THEMIS: variants seen among roughly 807,000 people sequenced by gnomAD.
THEMIS encodes the protein thymocyte selection associated.
A neutral mutation model predicts 52.6 loss-of-function variants in THEMIS; 37 were observed. The ratio of observed to expected loss-of-function variants is 0.70; its 90% CI spans 0.54 to 0.93. THEMIS has a LOEUF of 0.93. Among genes scored for constraint, THEMIS ranks in the 40% least tolerant of loss-of-function variants. THEMIS has a pLI of 0.00. For missense variants in THEMIS, 808 were observed against 763.1 expected, an observed-to-expected ratio of 1.06 and a Z score of -0.69; for synonymous variants, 292 against 272.7, an observed-to-expected ratio of 1.07 and a Z score of -0.70.
chr6:127,708,613 C>A lies in THEMIS; in HGVS notation c.*1372G>T, dbSNP rs1773870407. On this transcript the variant is annotated 3_prime_UTR_variant, in exon 6 of 6. Transcript: ENST00000368248. Reference sequence around the variant, plus strand: ...AAGTTTCTGTTCTTATCTGCACAAACAGGCAAAATAAATAAAAGAAAAACT... The same window carrying A: ...AAGTTTCTGTTCTTATCTGCACAAAAAGGCAAAATAAATAAAAGAAAAACT... 6.6e-6 allele frequency: 1 copy of A among 151,904 alleles called. No homozygotes were observed. The allele number at this position is 151,904 out of a possible 1,614,324, so 9.4% of individuals were successfully genotyped here.
chr6:127,755,220 T>C (rs1775781930), intron 4 of THEMIS, among the ~76,000 whole-genome samples: 2 of 152,200 alleles, frequency 1.3e-5, no homozygotes. Flanking sequence ...GAAGACAAAA[T>C]TGGTGGCTAC....
intron 4 of THEMIS, among the ~76,000 whole-genome samples, chr6:127,790,258 T>C (rs1023987563): frequency 2.0e-5 from 3 of 152,154 alleles, no homozygotes; most frequent in Non-Finnish European, 4.4e-5. Flanking sequence ...AACCAAGCTG[T>C]GAGCTATAGC....
At chr6:127,722,165 T>C (rs1774385182) in intron 4 of THEMIS, among the ~76,000 whole-genome samples, 1 of 151,984 alleles carries the variant, frequency 6.6e-6, no homozygotes, top group Non-Finnish European at 1.5e-5. Flanking sequence ...CTGGAAACAG[T>C]TCCCACAGTG....
chr6:127,742,132 T>C (rs1775222241), intron 4 of THEMIS, among the ~76,000 whole-genome samples: 2 of 151,664 alleles, frequency 1.3e-5, no homozygotes, highest in East Asian at 1.9e-4. Flanking sequence ...GCCAACATGG[T>C]GAAACCCCGT....
intron 4 of THEMIS, among the ~76,000 whole-genome samples, chr6:127,743,892 C>A (rs1220441554): frequency 6.6e-6 from 1 of 151,972 alleles, no homozygotes; most frequent in Non-Finnish European, 1.5e-5. Context: ...GTGCGACTCA[C>A]TAATTTTACT....
chr6:127,783,662 A>C (rs1776824733), intron 4 of THEMIS, among the ~76,000 whole-genome samples: 1 of 152,256 alleles, frequency 6.6e-6, no homozygotes, highest in South Asian at 2.1e-4. Flanking sequence ...TGATTAGAGA[A>C]ATGCAAATCA....
At chr6:127,734,646 C>T (rs1018952615) in intron 4 of THEMIS, among the ~76,000 whole-genome samples, 5 of 151,554 alleles carry the variant, frequency 3.3e-5, no homozygotes, top group African/African-American at 4.8e-5. Flanking sequence ...CGAGGCAGGC[C>T]GATCACGAAG....
intron 3 of THEMIS, among the ~76,000 whole-genome samples, chr6:127,818,456 A>G (rs534549830): frequency 6.6e-6 from 1 of 152,310 alleles, no homozygotes; most frequent in East Asian, 1.9e-4. Context: ...ATGAAAATGT[A>G]GCCTCTGACA....
intron 2 of THEMIS, among the ~76,000 whole-genome samples, chr6:127,851,827 C>T (rs1442238749): frequency 6.6e-6 from 1 of 151,688 alleles, no homozygotes; most frequent in Admixed American, 6.6e-5. Context: ...GTCCAATAAT[C>T]ACACTCCTTG....
At chr6:127,778,368 G>C (rs1034440120) in intron 4 of THEMIS, among the ~76,000 whole-genome samples, 3 of 151,992 alleles carry the variant, frequency 2.0e-5, no homozygotes, top group African/African-American at 7.2e-5. Flanking sequence ...ACGAACATCT[G>C]TTTCCATTCT....
At chr6:127,734,388 G>T (rs1774913847) in intron 4 of THEMIS, among the ~76,000 whole-genome samples, 1 of 152,194 alleles carries the variant, frequency 6.6e-6, no homozygotes, top group African/African-American at 2.4e-5. Context: ...TGGGGGCGAA[G>T]AATGAGGAAT....
chr6:127,744,669 G>T (rs1351050610), intron 4 of THEMIS, among the ~76,000 whole-genome samples: 1 of 151,972 alleles, frequency 6.6e-6, no homozygotes, highest in Non-Finnish European at 1.5e-5. Flanking sequence ...ATTGCAAGGG[G>T]ATAAGAGGAG....
chr6:127,787,836 TAGAG>T (rs147126333), intron 4 of THEMIS, among the ~76,000 whole-genome samples: 6 of 128,528 alleles, frequency 4.7e-5, no homozygotes, highest in Non-Finnish European at 6.8e-5. Context: ...GATAGATAGA[TAGAG>T]ATAGACAGAT....
intron 4 of THEMIS, among the ~76,000 whole-genome samples, chr6:127,725,795 C>T (rs1038979196): frequency 1.3e-5 from 2 of 152,068 alleles, no homozygotes; most frequent in African/African-American, 2.4e-5. Context: ...CAGCCCTATC[C>T]CAAAGACATG....
At chr6:127,734,416 G>T (rs1399436990) in intron 4 of THEMIS, among the ~76,000 whole-genome samples, 1 of 152,134 alleles carries the variant, frequency 6.6e-6, no homozygotes, top group Non-Finnish European at 1.5e-5. Context: ...AAGCAAAATT[G>T]GTCCTGAGTT....
At chr6:127,862,985 C>A (rs898373132) in intron 1 of THEMIS, among the ~76,000 whole-genome samples, 4 of 152,070 alleles carry the variant, frequency 2.6e-5, no homozygotes, top group African/African-American at 9.7e-5. Flanking sequence ...TCTTTAAGCA[C>A]CCTTGGCTAA....
Position 127,813,526 on chromosome 6 carries a change from G to A in THEMIS, c.1115C>T (p.Ala372Val). The A allele has an allele frequency of 1.9e-6, 3 of 1,613,338 alleles. No homozygotes were observed. Among genetic ancestry groups the A allele is most frequent in the Non-Finnish European group, 2.5e-6 (3 of 1,179,716 alleles). The change falls in exon 4 of 6, where the codon GCG becomes GTG. Residue 372 changes from alanine to valine, a missense_variant. Ala to Val is a moderately conservative substitution (Grantham distance 64). Transcript: ENST00000368248. ...KEPLHVVATK[A>V]FHSPHDKLSS... is the part of the protein sequence containing the mutation. The stretch of plus-strand genomic sequence containing the variant: ...CAGCTTGTCATGAGGGGAATGAAAC[G>A]CTTTGGTGGCCACCACGTGAAGAGG...
Position 127,813,777 on chromosome 6 carries a change from T to C in THEMIS, c.864A>G (p.Ile288Met). 2 of 1,614,014 alleles carry C rather than the reference T, an allele frequency of 1.2e-6. No individual in the cohort carries two copies. The highest frequency in any genetic ancestry group is 1.7e-6 in the Non-Finnish European group (2 of 1,179,976). ...SKEFPIVTEV[I>M]EAPEGNHLPQ... is the part of the protein sequence containing the mutation. Reference sequence around the variant, plus strand: ...GCAGGTGGTTTCCTTCAGGTGCTTCTATGACTTCAGTCACTATGGGGAACT... The same window carrying C: ...GCAGGTGGTTTCCTTCAGGTGCTTCCATGACTTCAGTCACTATGGGGAACT... The change falls in exon 4 of 6, where the codon ATA (isoleucine) becomes ATG (methionine). Residue 288 changes from isoleucine (I) to methionine (M), a missense_variant. Physicochemically the swap from Ile to Met is conservative, Grantham distance 10. Coordinates refer to ENST00000368248, the MANE Select transcript of THEMIS (RefSeq NM_001010923.3).
At chr6:127,790,402 TC>T (rs2114520683) in intron 4 of THEMIS, among the ~76,000 whole-genome samples, 1 of 152,314 alleles carries the variant, frequency 6.6e-6, no homozygotes, top group South Asian at 2.1e-4. Context: ...TGATCACAAT[TC>T]CTTTCACTTA....
Sources: allele counts gnomAD v4.1 joint callset (sites outside exome capture counted in the v4.1 genomes callset), GRCh38; gene constraint gnomAD v4.1.1; transcripts MANE v1.5; gene names NCBI Gene and HGNC (gene_info 2026-07-23, HGNC 2026-07-21).